Variants in TMTC4 observed in about 807,000 individuals in gnomAD.
TMTC4 encodes protein O-mannosyl-transferase TMTC4.
In TMTC4, 65 loss-of-function variants were observed where a neutral mutation model predicts 86.0. That is an observed-to-expected ratio of 0.76 (90% CI 0.62 to 0.93). The LOEUF (loss-of-function observed/expected upper bound fraction) is 0.93. TMTC4 is among the 40% of genes least tolerant of loss of function. The pLI is 0.00. For synonymous variants in TMTC4, 379 were observed against 382.5 expected, an observed-to-expected ratio of 0.99 and a Z score of 0.11; for missense variants, 866 against 948.1, an observed-to-expected ratio of 0.91 and a Z score of 1.14.
intron 15 of TMTC4, chr13:100,624,035 A>G: frequency 3.8e-6 from 1 of 262,340 alleles, no homozygotes; most frequent in Non-Finnish European, 7.7e-6. Flanking sequence ...CAATAGAAAC[A>G]CCACCTCCAG....
chr13:100,605,089 T>C lies in TMTC4; in HGVS notation c.2188A>G (p.Ile730Val). ...GCCGTGGGGTCAAGCTGCAAGGAGA[T>C]TTCATAGTGTTTCTTGGCCAAGTCT... is the stretch of plus-strand genomic sequence containing the variant. ...HLDLAKKHYE[I>V]SLQLDPTASG... Residue 730 changes from isoleucine (I) to valine (V), a missense_variant, in exon 19 of 19, where the codon ATC becomes GTC. Ile to Val is a conservative substitution (Grantham distance 29, BLOSUM62 3). Coordinates refer to ENST00000342624, the MANE Select transcript of TMTC4 (RefSeq NM_032813.5). The surrounding 1 kb of genome is among the most constrained non-coding windows in gnomAD (Gnocchi z 4.3). 1 of 1,613,956 alleles carries C rather than the reference T, an allele frequency of 6.2e-7. No individual in the cohort carries two copies. The highest frequency in any genetic ancestry group is 8.5e-7 in the Non-Finnish European group (1 of 1,179,984).
At chr13:100,670,257 A>G in intron 2 of TMTC4, 103 bp downstream of exon 2, 1 of 1,363,376 alleles carries the variant, frequency 7.3e-7, no homozygotes, top group Admixed American at 2.3e-5. Context: ...TTATGGAATC[A>G]ATAAGAAGCC....
chr13:100,625,597 A>G lies in TMTC4; in HGVS notation c.1774T>C (p.Tyr592His). ...LKRFEAAEQS[Y>H]RTAIKHRRKY... ...CTTCTGTGTTTAATTGCTGTCCGGT[A>G]ACTTTGCTCTGCTGCTTCAAACCGT... The change falls in exon 15 of 19, where the codon TAC (tyrosine) becomes CAC (histidine). Residue 592 changes from tyrosine (Y) to histidine (H), a missense_variant. Transcript: ENST00000342624. 6.2e-7 allele frequency: 1 copy of G among 1,614,194 alleles called. No homozygotes were observed. Among genetic ancestry groups the G allele is most frequent in the Non-Finnish European group, 8.5e-7 (1 of 1,180,042 alleles).
rs1876365880 is a variant in TMTC4, at chr13:100,605,083, A to T, written c.2194T>A (p.Leu732Met). The change falls in exon 19 of 19, where the codon TTG becomes ATG. Residue 732 changes from leucine (L) to methionine (M), a missense_variant. Transcript: ENST00000342624. The surrounding 1 kb of genome is among the most constrained non-coding windows in gnomAD (Gnocchi z 4.3). ...CCTGATGCCGTGGGGTCAAGCTGCA[A>T]GGAGATTTCATAGTGTTTCTTGGCC... ...DLAKKHYEIS[L>M]QLDPTASGTK... is the part of the protein sequence containing the mutation. The T allele has an allele frequency of 6.2e-7, 1 of 1,614,054 alleles. No individual in the cohort carries two copies. Among genetic ancestry groups the T allele is most frequent in the Non-Finnish European group, 8.5e-7 (1 of 1,179,996 alleles).
At chr13:100,649,476 AT>A (rs1353496053) in intron 6 of TMTC4, among the ~76,000 whole-genome samples, 1 of 152,204 alleles carries the variant, frequency 6.6e-6, no homozygotes, top group Non-Finnish European at 1.5e-5. Context: ...AAGTGTGAGC[AT>A]TTTAATAAGA....
At chr13:100,673,908 A>T (rs567434167) in intron 1 of TMTC4, 53 of 488,286 alleles carry the variant, frequency 1.1e-4, no homozygotes, top group African/African-American at 1.0e-3. Context: ...GTTTCTCAAG[A>T]CATTCTCCCC....
At position 100,612,654 on chromosome 13, in the gene TMTC4, T is replaced by TACACACAC. The variant is rs60782137; in HGVS notation, c.1952-152_1952-145dup. On this transcript the variant is annotated intron_variant, in intron 16 of 18. Transcript: ENST00000342624. ...AAGAAAATCTGTGTAGATCATGTAATACACACACACACACACACACACACA... is the reference window on the plus strand; with the variant it reads ...AAGAAAATCTGTGTAGATCATGTAATACACACACACACACACACACACACACACACACA... 122 of 449,086 alleles carry TACACACAC rather than the reference T, an allele frequency of 2.7e-4. 1 individual carries two copies. Among genetic ancestry groups the TACACACAC allele is most frequent in the Middle Eastern group, 5.5e-4 (1 of 1,820 alleles). The allele number at this position is 449,086 out of a possible 1,614,324, so 27.8% of individuals were successfully genotyped here. A position where few individuals can be genotyped will look rare whatever the true frequency, so the allele number is the denominator to read the frequency against.
chr13:100,667,478 T>C (rs538693252), intron 3 of TMTC4, among the ~76,000 whole-genome samples: 1 of 152,222 alleles, frequency 6.6e-6, no homozygotes, highest in East Asian at 1.9e-4. Flanking sequence ...AATGATCTAG[T>C]GTGTGCCCTC....
At chr13:100,658,793 A>T (rs1385501887) in intron 5 of TMTC4, among the ~76,000 whole-genome samples, 1 of 152,222 alleles carries the variant, frequency 6.6e-6, no homozygotes, top group East Asian at 1.9e-4. Flanking sequence ...ATGTTCCTTG[A>T]CATAAAGAAA....
chr13:100,667,394 G>A (rs1255246540), intron 3 of TMTC4, among the ~76,000 whole-genome samples: 5 of 151,214 alleles, frequency 3.3e-5, no homozygotes, highest in African/African-American at 9.7e-5. Flanking sequence ...GTGACACTGT[G>A]CTCCAGCCTG....
At chr13:100,644,768 AG>A (rs1471460717) in intron 6 of TMTC4, among the ~76,000 whole-genome samples, 3 of 152,222 alleles carry the variant, frequency 2.0e-5, no homozygotes, top group Admixed American at 1.3e-4. Context: ...GCTGATCGAC[AG>A]GAAAGCCTCA....
At chr13:100,656,582 AC>A (rs11315434) in intron 5 of TMTC4, 114 bp from the exon 6 acceptor site, 350,905 of 499,254 alleles carry the variant, frequency 0.7, 130,845 homozygotes, top group East Asian at 0.97. Context: ...TCACTCTGCC[AC>A]CCAGGCTGGA....
intron 5 of TMTC4, among the ~76,000 whole-genome samples, chr13:100,660,176 C>T (rs1232738105): frequency 4.0e-5 from 6 of 151,062 alleles, no homozygotes; most frequent in Admixed American, 4.0e-4. Flanking sequence ...ACTAAAAATA[C>T]AAAAATTAAC....
At chr13:100,656,542 C>CTTTTTTGTTTTTTTT (rs1885136716) in intron 5 of TMTC4, 74 bp from the exon 6 acceptor site, 1 of 350,206 alleles carries the variant, frequency 2.9e-6, no homozygotes. Context: ...GGAGACATAA[C>CTTTTTTGTTTTTTTT]TTTTTTTTTT....
rs35965658 is a variant in TMTC4 at position 100,655,016 on chromosome 13, A to ATTT, written c.640+1362_640+1364dup. 8.1e-3 allele frequency among the ~76,000 whole-genome samples: 959 copies of ATTT among 118,320 alleles called. 8 individuals are homozygous for ATTT. The highest frequency in any genetic ancestry group is 0.012 in the East Asian group (49 of 3,944). The allele number at this position is 118,320 out of a possible 152,430, so 77.6% of individuals were successfully genotyped here. ...GTCTTTGAGAAAAGCCACAACGCCT[A>ATTT]TTTTTTTTTTTTTTTTTTTTTGTGA... On this transcript the variant is annotated intron_variant, in intron 6 of 18. Transcript: ENST00000342624.
intron 5 of TMTC4, among the ~76,000 whole-genome samples, chr13:100,658,256 T>A (rs992799000): frequency 6.6e-6 from 1 of 151,888 alleles, no homozygotes; most frequent in African/African-American, 2.4e-5. Flanking sequence ...ATGGGGTATG[T>A]CTATGAACAG....
rs1885121797 is a variant in TMTC4 at position 100,656,452 on chromosome 13, CCGA to C, written c.566_568del (p.Val189del). On this transcript the variant is annotated inframe_deletion, in exon 6 of 19. Transcript: ENST00000342624. ...CAGGGCACACAGGAGGTCTGCACGG[CCGA>C]CAACACCAGCAACCTTAAAAAAGGG... The C allele has an allele frequency of 6.2e-7, 1 of 1,608,542 alleles. No homozygotes were observed. The highest frequency in any genetic ancestry group is 1.3e-5 in the African/African-American group (1 of 74,626).
At chr13:100,662,938 A>C in intron 5 of TMTC4, 26 bp downstream of exon 5, 1 of 1,612,166 alleles carries the variant, frequency 6.2e-7, no homozygotes, top group African/African-American at 1.3e-5. Context: ...ACGTGCATAC[A>C]GATGCCTCGG....
chr13:100,649,108 G>A (rs1394860453), intron 6 of TMTC4, among the ~76,000 whole-genome samples: 1 of 152,164 alleles, frequency 6.6e-6, no homozygotes, highest in African/African-American at 2.4e-5. Context: ...AATGAAAGGA[G>A]TCCTCTTTAT....
Sources: gnomAD v4.1 joint callset for allele counts (sites outside exome capture counted in the v4.1 genomes callset) on GRCh38, gnomAD v4.1.1 for gene constraint, Gnocchi (gnomAD v3.1) non-coding constraint, MANE v1.5 for transcripts, NCBI Gene and HGNC (gene_info 2026-07-23, HGNC 2026-07-21) for gene names.